The following DTNA variants were observed in gnomAD, a reference collection of about 807,000 sequenced individuals.
The protein encoded by DTNA is dystrophin-related protein 3.
DTNA carries 43 observed loss-of-function variants against 100.7 expected under a neutral mutation model. The observed-to-expected ratio is 0.43, with a 90% CI of 0.33 to 0.55. The LOEUF (loss-of-function observed/expected upper bound fraction) is 0.55. Among genes scored for constraint, DTNA ranks in the 20% least tolerant of loss-of-function variants. The pLI, the probability that DTNA is intolerant of heterozygous loss-of-function variation, is 0.04. For synonymous variants in DTNA, 349 were observed against 347.9 expected (o/e 1.00, Z -0.04); for missense variants, 798 against 953.9 (o/e 0.84, Z 2.15).
Position 34,776,187 on chromosome 18 carries a change from T to C in DTNA, c.148+10146T>C, listed in dbSNP as rs115651273. ...TCAAGTTCCAAGTCCCTTATCATCA[T>C]AGAGGGAGAAAAAGGAACCAAAGGC... On this transcript the variant is annotated intron_variant, in intron 3 of 22. Coordinates refer to ENST00000444659, the MANE Select transcript of DTNA (RefSeq NM_001386795.1). Among the ~76,000 whole-genome samples, 1,299 of 152,190 alleles carry C rather than the reference T, an allele frequency of 8.5e-3. 12 individuals carry two copies. The highest frequency in any genetic ancestry group is 0.03 in the African/African-American group (1,251 of 41,524).
Position 34,756,016 on chromosome 18 carries a change from G to A in DTNA, c.40G>A (p.Glu14Lys), listed in dbSNP as rs2092743579. Reference sequence around the variant, plus strand: ...TGGGAAAAGAGGAAATACCATGGCAGAAAGAAGACAGCTGTTTGCAGAGAT... The same window carrying A: ...TGGGAAAAGAGGAAATACCATGGCAAAAAGAAGACAGCTGTTTGCAGAGAT... ...DSGKRGNTMAERRQLFAEMRA... is the reference protein window; with the variant it reads ...DSGKRGNTMAKRRQLFAEMRA... The change falls in exon 2 of 23, where the codon GAA (glutamate) becomes AAA (lysine). Residue 14 changes from glutamate to lysine, a missense_variant. Coordinates refer to ENST00000444659, the MANE Select transcript of DTNA (RefSeq NM_001386795.1). The A allele has an allele frequency of 6.2e-7, 1 of 1,613,282 alleles. No individual in the cohort carries two copies. The highest frequency in any genetic ancestry group is 1.1e-5 in the South Asian group (1 of 91,056).
At chr18:34,796,614 A>G (rs935582122) in intron 4 of DTNA, among the ~76,000 whole-genome samples, 3 of 152,374 alleles carry the variant, frequency 2.0e-5, no homozygotes, top group African/African-American at 7.2e-5. Flanking sequence ...ATAAATAAAC[A>G]GGGAAAAAAT....
At position 34,604,308 on chromosome 18, in the gene DTNA, A is replaced by T. The variant is rs112054762; in HGVS notation, c.-2+110794A>T. On this transcript the variant is annotated intron_variant, in intron 1 of 19. Transcript: ENST00000283365. ...ATACTTTAAAAAAAATTTGGGAAAT[A>T]TAACTTCTTTCTGTACCATAGAAAG... 2.6e-3 allele frequency among the ~76,000 whole-genome samples: 393 copies of T among 152,346 alleles called. 4 individuals are homozygous for T. Among genetic ancestry groups the T allele is most frequent in the African/African-American group, 8.8e-3 (365 of 41,586 alleles).
chr18:34,729,734 T>G (rs1257986221), intron 1 of DTNA, among the ~76,000 whole-genome samples: 1 of 151,918 alleles, frequency 6.6e-6, no homozygotes, highest in Non-Finnish European at 1.5e-5. Flanking sequence ...CACTCTAAAT[T>G]AGGACACAAA....
intron 1 of DTNA, among the ~76,000 whole-genome samples, chr18:34,745,105 T>C (rs2147873546): frequency 1.3e-5 from 2 of 152,228 alleles, no homozygotes; most frequent in East Asian, 3.9e-4. Flanking sequence ...GATAATTGTG[T>C]TAAGTAGTGT....
intron 1 of DTNA, among the ~76,000 whole-genome samples, chr18:34,541,990 A>G (rs966662953): frequency 3.3e-5 from 5 of 152,074 alleles, no homozygotes; most frequent in Non-Finnish European, 7.4e-5. Context: ...CATGGGGAAC[A>G]GGGAGACTCC....
chr18:34,812,892 C>T (rs978655439), intron 6 of DTNA, among the ~76,000 whole-genome samples: 4 of 152,204 alleles, frequency 2.6e-5, no homozygotes, highest in African/African-American at 9.7e-5. Flanking sequence ...GGAATCCCAA[C>T]ATCTGCCACA....
chr18:34,875,685 A>G (rs1013766239), intron 18 of DTNA, among the ~76,000 whole-genome samples: 5 of 152,232 alleles, frequency 3.3e-5, no homozygotes, highest in Non-Finnish European at 7.3e-5. Flanking sequence ...AGAAAACTTC[A>G]TAAATGTAAT....
At chr18:34,820,668 C>CA (rs761598099) in intron 8 of DTNA, 123 bp from the exon 9 acceptor site, 197 of 1,490,056 alleles carry the variant, frequency 1.3e-4, no homozygotes, top group Non-Finnish European at 1.7e-4. Context: ...CTTCCAGACT[C>CA]AGAATCAGCA....
At chr18:34,743,153 G>C (rs1466696112) in intron 1 of DTNA, among the ~76,000 whole-genome samples, 5 of 152,252 alleles carry the variant, frequency 3.3e-5, no homozygotes, top group Admixed American at 3.3e-4. Flanking sequence ...GGCTGCCTCT[G>C]TTTCTTCTCT....
intron 1 of DTNA, among the ~76,000 whole-genome samples, chr18:34,612,832 A>G (rs181839618): frequency 6.6e-6 from 1 of 152,346 alleles, no homozygotes; most frequent in Non-Finnish European, 1.5e-5. Context: ...TACTATACTC[A>G]TTAGAATTAA....
chr18:34,841,722 A>G (rs1388296475), intron 13 of DTNA, among the ~76,000 whole-genome samples: 2 of 152,140 alleles, frequency 1.3e-5, no homozygotes, highest in African/African-American at 4.8e-5. Flanking sequence ...AGGGCTTGCA[A>G]ACAGGTCTTA....
intron 1 of DTNA, among the ~76,000 whole-genome samples, chr18:34,537,506 A>G (rs2043832016): frequency 6.6e-6 from 1 of 151,842 alleles, no homozygotes; most frequent in African/African-American, 2.4e-5. Flanking sequence ...TATAAATAAC[A>G]TGTTTTAAAA....
chr18:34,794,391 G>A, intron 4 of DTNA, 141 bp downstream of exon 4: 2 of 917,124 alleles, frequency 2.2e-6, no homozygotes, highest in South Asian at 1.6e-5. Context: ...GCTTATGTCA[G>A]TAAAGTCTCC....
chr18:34,791,634 A>G (rs1331928605), intron 3 of DTNA, among the ~76,000 whole-genome samples: 3 of 152,220 alleles, frequency 2.0e-5, no homozygotes, highest in Admixed American at 6.5e-5. Flanking sequence ...TTCTTGATAT[A>G]CAGAAAAGCT....
rs1423100932 is a variant in DTNA at position 34,890,560 on chromosome 18, G to A, written c.*2826G>A. 7.0e-7 allele frequency: 1 copy of A among 1,438,652 alleles called. No individual in the cohort carries two copies. Among genetic ancestry groups the A allele is most frequent in the East Asian group, 2.5e-5 (1 of 40,290 alleles). 89.1% of individuals were successfully genotyped at this position (1,438,652 alleles called of 1,614,324 possible). A position where few individuals can be genotyped will look rare whatever the true frequency, so the allele number is the denominator to read the frequency against. On this transcript the variant is annotated 3_prime_UTR_variant, in exon 23 of 23. Coordinates refer to ENST00000444659, the MANE Select transcript of DTNA (RefSeq NM_001386795.1). ...CCATCTCCATCAGAGCTGATAGCCT[G>A]TTAATAAGCACTGGTCTAACACAGC... is the stretch of plus-strand genomic sequence containing the variant.
At chr18:34,763,164 T>C (rs1260664115) in intron 2 of DTNA, among the ~76,000 whole-genome samples, 2 of 152,214 alleles carry the variant, frequency 1.3e-5, no homozygotes, top group African/African-American at 4.8e-5. Context: ...TAAGTGATTA[T>C]TTACAGATAT....
chr18:34,598,893 C>G (rs984471273), intron 1 of DTNA, among the ~76,000 whole-genome samples: 1 of 151,870 alleles, frequency 6.6e-6, no homozygotes, highest in African/African-American at 2.4e-5. Flanking sequence ...CCTTGAAGTG[C>G]AATTTGAATA....
At chr18:34,708,016 G>A (rs1200279119), upstream of DTNA, among the ~76,000 whole-genome samples, 4 of 152,152 alleles carry the variant, frequency 2.6e-5, no homozygotes, top group African/African-American at 9.7e-5. Context: ...CTTGCAATGT[G>A]CAACATTCAC....
Sources: gnomAD v4.1 joint callset for allele counts (sites outside exome capture counted in the v4.1 genomes callset) on GRCh38, gnomAD v4.1.1 for gene constraint, MANE v1.5 for transcripts, NCBI Gene and HGNC (gene_info 2026-07-23, HGNC 2026-07-21) for gene names.